Variants in TPD52 observed in about 807,000 individuals in gnomAD.
TPD52 encodes the protein prostate and colon associated protein.
Under a neutral mutation model 31.3 loss-of-function variants are expected in TPD52, and 17 were observed. The ratio of observed to expected loss-of-function variants is 0.54; its 90% CI spans 0.37 to 0.82. The LOEUF (loss-of-function observed/expected upper bound fraction) is 0.82, where lower values mean the gene tolerates loss of function less well. Among genes scored for constraint, TPD52 ranks in the 40% least tolerant of loss-of-function variants. The pLI is 0.00. For missense variants in TPD52, 212 were observed against 240.1 expected, an observed-to-expected ratio of 0.88 and a Z score of 0.77; for synonymous variants, 83 against 89.6, an observed-to-expected ratio of 0.93 and a Z score of 0.42.
chr8:80,058,446 T>A (rs1446088965), intron 2 of TPD52, among the ~76,000 whole-genome samples: 1 of 152,240 alleles, frequency 6.6e-6, no homozygotes, highest in Non-Finnish European at 1.5e-5. Flanking sequence ...CATAAAAATG[T>A]TTTTGAAAAT....
At chr8:80,136,039 G>A (rs1809370336) in intron 1 of TPD52, among the ~76,000 whole-genome samples, 1 of 131,948 alleles carries the variant, frequency 7.6e-6, no homozygotes, top group Admixed American at 7.8e-5. Context: ...GCTAGATGAC[G>A]AGTTAGTGGG....
chr8:80,166,527 C>T (rs917807265), intron 1 of TPD52, among the ~76,000 whole-genome samples: 4 of 151,570 alleles, frequency 2.6e-5, no homozygotes, highest in East Asian at 2.0e-4. Flanking sequence ...CCACCACATG[C>T]GGCCATTAAA....
intron 1 of TPD52, 154 bp from the exon 2 acceptor site, chr8:80,064,747 G>T: frequency 1.4e-6 from 1 of 707,144 alleles, no homozygotes; most frequent in Non-Finnish European, 2.6e-6. Context: ...CTCAGCAAAG[G>T]ACAAAAGAAA....
In TPD52 at chr8:80,042,949, G is replaced by A. The variant is rs113160888; in HGVS notation, c.456-281C>T. 8 of 244,630 alleles carry A rather than the reference G, an allele frequency of 3.3e-5. No homozygotes were observed. In the East Asian group the frequency reaches 5.3e-4, roughly 16 times the overall value. 15.2% of individuals were successfully genotyped at this position (244,630 alleles called of 1,614,324 possible). ...AAGTACGTGTGTAAGGAGAGGTAAC[G>A]AAGCCGGGTAAAATAGCAATTCTGT... On this transcript the variant is annotated intron_variant, in intron 6 of 7. Coordinates refer to ENST00000518937, the MANE Select transcript of TPD52 (RefSeq NM_001025253.3).
At chr8:80,162,636 AG>A (rs1811435874) in intron 1 of TPD52, among the ~76,000 whole-genome samples, 2 of 152,280 alleles carry the variant, frequency 1.3e-5, no homozygotes, top group South Asian at 4.1e-4. Context: ...AAAAGAGAAA[AG>A]AAAAAAAAGA....
chr8:80,034,227 G>T (rs1251208808), downstream of TPD52, among the ~76,000 whole-genome samples: 1 of 152,158 alleles, frequency 6.6e-6, no homozygotes, highest in East Asian at 1.9e-4. Flanking sequence ...ACTGGAGCAG[G>T]CACTTCCAGG....
chr8:80,139,253 G>A (rs1325720072), intron 1 of TPD52, among the ~76,000 whole-genome samples: 3 of 152,152 alleles, frequency 2.0e-5, no homozygotes, highest in African/African-American at 7.2e-5. Context: ...AGCAGCTTGA[G>A]AAATAATTCG....
chr8:80,097,656 A>G (rs1806430283), intron 1 of TPD52, among the ~76,000 whole-genome samples: 2 of 152,190 alleles, frequency 1.3e-5, no homozygotes, highest in South Asian at 4.1e-4. Context: ...CTCCCCAGCC[A>G]TACTTCCTGT....
intron 1 of TPD52, among the ~76,000 whole-genome samples, chr8:80,151,782 G>T (rs1283689625): frequency 6.6e-6 from 1 of 152,090 alleles, no homozygotes; most frequent in Non-Finnish European, 1.5e-5. Flanking sequence ...CTCTTTTATA[G>T]AATGGAGGCT....
rs114929269 is a variant in TPD52 at position 80,084,656 on chromosome 8, C to T, written c.20-20063G>A. 4.2e-3 allele frequency among the ~76,000 whole-genome samples: 646 copies of T among 152,318 alleles called. 7 individuals carry two copies. The highest frequency in any genetic ancestry group is 0.015 in the African/African-American group (608 of 41,574). The stretch of plus-strand genomic sequence containing the variant: ...TCCACTTGTGGCTGGAGTTGAATTT[C>T]ATCATTTCAGTAGAAAGAGTCCTAA... On this transcript the variant is annotated intron_variant, in intron 1 of 7. Transcript: ENST00000518937.
intron 1 of TPD52, among the ~76,000 whole-genome samples, chr8:80,127,992 T>C (rs185835014): frequency 1.6e-3 from 232 of 143,238 alleles, no homozygotes; most frequent in Middle Eastern, 3.5e-3. Flanking sequence ...TGTATTTCTG[T>C]TTTGTTTTTT....
intron 1 of TPD52, among the ~76,000 whole-genome samples, chr8:80,106,955 C>G (rs1807174580): frequency 1.3e-5 from 2 of 151,682 alleles, no homozygotes; most frequent in Non-Finnish European, 2.9e-5. Flanking sequence ...GGGTTCACAC[C>G]ATTCTCCTGC....
At chr8:80,159,780 T>G (rs571326658) in intron 1 of TPD52, among the ~76,000 whole-genome samples, 1 of 152,352 alleles carries the variant, frequency 6.6e-6, no homozygotes, top group East Asian at 1.9e-4. Context: ...CTGGAAAACT[T>G]AATTGTAATG....
intron 1 of TPD52, among the ~76,000 whole-genome samples, chr8:80,088,821 A>C (rs773482893): frequency 6.6e-6 from 1 of 152,204 alleles, no homozygotes; most frequent in South Asian, 2.1e-4. Flanking sequence ...CTCACGCAAA[A>C]GGCCTTTTTC....
At chr8:80,070,555 T>C (rs1383563746) in intron 1 of TPD52, among the ~76,000 whole-genome samples, 4 of 152,142 alleles carry the variant, frequency 2.6e-5, no homozygotes, top group Non-Finnish European at 2.9e-5. Context: ...ATAGGGTTCA[T>C]GCTCCTATGA....
At chr8:80,057,222 C>A (rs747159782) in intron 2 of TPD52, among the ~76,000 whole-genome samples, 1 of 152,080 alleles carries the variant, frequency 6.6e-6, no homozygotes, top group Non-Finnish European at 1.5e-5. Flanking sequence ...AAAAGCTGTA[C>A]ACAATTGCTT....
chr8:80,040,224 TG>T (rs1810250889), intron 7 of TPD52, among the ~76,000 whole-genome samples: 1 of 137,706 alleles, frequency 7.3e-6, no homozygotes, highest in African/African-American at 2.8e-5. Flanking sequence ...AGACAGGGTC[TG>T]GCTCTGTCAC....
At chr8:80,046,868 C>A (rs1810911867) in intron 5 of TPD52, among the ~76,000 whole-genome samples, 1 of 152,042 alleles carries the variant, frequency 6.6e-6, no homozygotes, top group African/African-American at 2.4e-5. Flanking sequence ...TTCCTTGTTT[C>A]TAACAGTTAT....
chr8:80,154,079 ATCT>A (rs1274461940), intron 1 of TPD52, among the ~76,000 whole-genome samples: 2 of 152,266 alleles, frequency 1.3e-5, no homozygotes, highest in Non-Finnish European at 2.9e-5. Context: ...ACACAATCAC[ATCT>A]TCTTTTGTTC....
Sources: allele counts gnomAD v4.1 joint callset (sites outside exome capture counted in the v4.1 genomes callset), GRCh38; gene constraint gnomAD v4.1.1; transcripts MANE v1.5; gene names NCBI Gene and HGNC (gene_info 2026-07-23, HGNC 2026-07-21).